ERN1: variants seen among roughly 807,000 people sequenced by gnomAD.
The protein encoded by ERN1 is endoplasmic reticulum to nucleus signaling 1.
A neutral mutation model predicts 113.1 loss-of-function variants in ERN1; 39 were observed. The observed-to-expected ratio is 0.34, with a 90% CI of 0.27 to 0.45. The LOEUF is 0.45. ERN1 is among the 20% of genes least tolerant of loss of function. The pLI is 1.00. For missense variants in ERN1, 976 were observed against 1,274.8 expected, an observed-to-expected ratio of 0.77 and a Z score of 3.57; for synonymous variants, 507 against 515.9, an observed-to-expected ratio of 0.98 and a Z score of 0.23.
intron 3 of ERN1, chr17:64,080,515 T>C (rs1001101420): frequency 4.6e-6 from 2 of 432,748 alleles, no homozygotes; most frequent in Non-Finnish European, 8.4e-6. Context: ...CCTGAGGACT[T>C]TGGAAGTTTA....
chr17:64,091,792 G>A (rs772223111), intron 2 of ERN1, among the ~76,000 whole-genome samples: 1 of 152,162 alleles, frequency 6.6e-6, no homozygotes, highest in Admixed American at 6.5e-5. Context: ...GAGAGACCAC[G>A]AATGGCCTTG....
chr17:64,130,085 C>T lies in ERN1; in HGVS notation c.-56G>A. The T allele has an allele frequency of 1.5e-6, 2 of 1,312,080 alleles. No individual in the cohort carries two copies. Among genetic ancestry groups the T allele is most frequent in the South Asian group, 2.0e-5 (1 of 48,892 alleles). The allele number at this position is 1,312,080 out of a possible 1,614,324, so 81.3% of individuals were successfully genotyped here. A position where few individuals can be genotyped will look rare whatever the true frequency, so the allele number is the denominator to read the frequency against. On this transcript the variant is annotated 5_prime_UTR_variant, in exon 1 of 22. Coordinates refer to ENST00000433197, the MANE Select transcript of ERN1 (RefSeq NM_001433.5). The surrounding 1 kb of genome is among the most constrained non-coding windows in gnomAD (Gnocchi z 4.0). ...GTACGGACAGAGGACGGGGCGGGGG[C>T]GCCGCGACGACAGCGAGGCGGTGAC... is the stretch of plus-strand genomic sequence containing the variant.
chr17:64,111,563 G>C (rs1347317760), intron 1 of ERN1, among the ~76,000 whole-genome samples: 1 of 152,088 alleles, frequency 6.6e-6, no homozygotes, highest in Non-Finnish European at 1.5e-5. Context: ...CACCATGTTA[G>C]CCAGGCTGGT....
chr17:64,053,520 C>T (rs959912071), intron 15 of ERN1, 149 bp from the exon 16 acceptor site: 9 of 466,366 alleles, frequency 1.9e-5, no homozygotes, highest in African/African-American at 1.8e-4. Context: ...AAGGAGCAAA[C>T]CTCCAAATCT....
At chr17:64,125,198 A>C (rs1222613696) in intron 1 of ERN1, among the ~76,000 whole-genome samples, 1 of 152,126 alleles carries the variant, frequency 6.6e-6, no homozygotes, top group Admixed American at 6.6e-5. Context: ...AGATAATAGA[A>C]GGCTTGTTTT....
At chr17:64,097,591 T>C (rs1389222076) in intron 2 of ERN1, among the ~76,000 whole-genome samples, 2 of 152,230 alleles carry the variant, frequency 1.3e-5, no homozygotes, top group Non-Finnish European at 2.9e-5. Flanking sequence ...GATCAGATCA[T>C]AACATGGACG....
intron 1 of ERN1, among the ~76,000 whole-genome samples, chr17:64,126,553 T>C (rs1468123107): frequency 6.6e-6 from 1 of 152,064 alleles, no homozygotes; most frequent in African/African-American, 2.4e-5. Flanking sequence ...AACTCTCAGA[T>C]ACATTTTTCT....
Position 64,049,123 on chromosome 17 carries a change from G to C in ERN1, c.2333C>G (p.Ser778Cys). Residue 778 changes from serine to cysteine, a missense_variant, in exon 18 of 22, where the codon TCC (serine) becomes TGC (cysteine). Coordinates refer to ENST00000433197, the MANE Select transcript of ERN1 (RefSeq NM_001433.5). This position sits in a 1 kb window ranked among gnomAD's most constrained non-coding sequence, Gnocchi z 4.7. ...ISEGSHPFGK[S>C]LQRQANILLG... ...GAGGATGTTGGCCTGCCGCTGCAGG[G>C]ACTTGCCAAAAGGGTGGCTGCCCTC... 5.6e-6 allele frequency: 9 copies of C among 1,611,124 alleles called. No homozygotes were observed. Among genetic ancestry groups the C allele is most frequent in the Non-Finnish European group, 7.6e-6 (9 of 1,177,718 alleles).
chr17:64,098,183 A>C lies in ERN1; in HGVS notation c.113T>G (p.Leu38Arg). The C allele has an allele frequency of 6.2e-7, 1 of 1,613,996 alleles. No individual in the cohort carries two copies. Among genetic ancestry groups the C allele is most frequent in the Non-Finnish European group, 8.5e-7 (1 of 1,179,878 alleles). The change falls in exon 2 of 22, where the codon CTG (leucine) becomes CGG (arginine). Residue 38 changes from leucine to arginine, a missense_variant. Leu to Arg is a moderately radical substitution (Grantham distance 102). Coordinates refer to ENST00000433197, the MANE Select transcript of ERN1 (RefSeq NM_001433.5). Reference protein sequence around the residue: ...LPETLLFVSTLDGSLHAVSKR... With the variant: ...LPETLLFVSTRDGSLHAVSKR... ...GCTGACAGCATGCAAACTTCCATCC[A>C]GCGTTGACACAAACAACAAGGTTTC...
chr17:64,048,555 A>G (rs1350247133), intron 18 of ERN1, among the ~76,000 whole-genome samples: 2 of 152,224 alleles, frequency 1.3e-5, no homozygotes, highest in African/African-American at 4.8e-5. Context: ...CTGGAGTGTC[A>G]TGGGCCAATT....
rs115578379 is a variant in ERN1 at position 64,071,049 on chromosome 17, T to C, written c.478+932A>G. 2.9e-3 allele frequency among the ~76,000 whole-genome samples: 437 copies of C among 152,258 alleles called. 2 individuals are homozygous for C. The highest frequency in any genetic ancestry group is 9.9e-3 in the African/African-American group (411 of 41,540). ...AGTAGGCACATTGAATTTATAAATATGCAGTGCCAAGTGTTAAGAAGAAAG... is the reference window on the plus strand; with the variant it reads ...AGTAGGCACATTGAATTTATAAATACGCAGTGCCAAGTGTTAAGAAGAAAG... On this transcript the variant is annotated intron_variant, in intron 6 of 21. Coordinates refer to ENST00000433197, the MANE Select transcript of ERN1 (RefSeq NM_001433.5).
chr17:64,047,708 T>C, intron 19 of ERN1, 150 bp downstream of exon 19: 1 of 602,074 alleles, frequency 1.7e-6, no homozygotes, highest in East Asian at 2.9e-5. Context: ...TATACTTTTA[T>C]ATATGAAGAA....
chr17:64,126,674 T>C (rs1204717356), intron 1 of ERN1, among the ~76,000 whole-genome samples: 1 of 129,222 alleles, frequency 7.7e-6, no homozygotes, highest in African/African-American at 4.8e-5. Context: ...GCAGCCCTGA[T>C]AACAAACTCA....
At chr17:64,074,473 C>G (rs1201995860) in intron 5 of ERN1, among the ~76,000 whole-genome samples, 3 of 152,134 alleles carry the variant, frequency 2.0e-5, no homozygotes, top group African/African-American at 7.2e-5. Flanking sequence ...GTCTCAGTGT[C>G]CTGAGCAAAA....
At chr17:64,060,703 G>A (rs768614824) in intron 10 of ERN1, 116 bp from the exon 11 acceptor site, 131 of 698,790 alleles carry the variant, frequency 1.9e-4, no homozygotes, top group Non-Finnish European at 3.2e-4. Context: ...CAAACTCTCA[G>A]CAGGACTGTG....
chr17:64,104,401 C>A (rs539128615), intron 1 of ERN1, among the ~76,000 whole-genome samples: 9 of 152,094 alleles, frequency 5.9e-5, no homozygotes, highest in Non-Finnish European at 1.0e-4. Flanking sequence ...AGATTCAGAA[C>A]GTGTGAAAGC....
intron 10 of ERN1, among the ~76,000 whole-genome samples, chr17:64,061,271 G>T (rs1567865730): frequency 6.6e-6 from 1 of 152,222 alleles, no homozygotes; most frequent in Non-Finnish European, 1.5e-5. Context: ...ATTTGATAGG[G>T]CTTGATAATC....
intron 2 of ERN1, among the ~76,000 whole-genome samples, chr17:64,088,136 G>A (rs982341096): frequency 6.6e-6 from 1 of 152,126 alleles, no homozygotes; most frequent in Non-Finnish European, 1.5e-5. Context: ...CACTTAACTG[G>A]AGCTCAAGGA....
At chr17:64,056,566 A>T (rs1388309272) in intron 12 of ERN1, among the ~76,000 whole-genome samples, 1 of 152,162 alleles carries the variant, frequency 6.6e-6, no homozygotes, top group African/African-American at 2.4e-5. Flanking sequence ...CCGAGGCCAC[A>T]TGCCTCTCAA....
Sources: gnomAD v4.1 joint callset for allele counts (sites outside exome capture counted in the v4.1 genomes callset) on GRCh38, gnomAD v4.1.1 for gene constraint, Gnocchi (gnomAD v3.1) non-coding constraint, MANE v1.5 for transcripts, NCBI Gene and HGNC (gene_info 2026-07-23, HGNC 2026-07-21) for gene names.